The following AKAP13 variants were observed in gnomAD, a reference collection of about 807,000 sequenced individuals.
AKAP13 encodes the protein A-kinase anchoring protein 13, also known as A-kinase anchor protein 13.
AKAP13 carries 80 observed loss-of-function variants against 264.5 expected under a neutral mutation model. The ratio of observed to expected loss-of-function variants is 0.30; its 90% CI spans 0.25 to 0.36. The LOEUF is 0.36. Ranked by LOEUF, AKAP13 falls within the 10% of genes least tolerant of loss-of-function variation. The pLI, the probability that AKAP13 is intolerant of heterozygous loss-of-function variation, is 1.00. For missense variants in AKAP13, 3,712 were observed against 3,435.2 expected, an observed-to-expected ratio of 1.08 and a Z score of -2.01; for synonymous variants, 1,380 against 1,250.2, an observed-to-expected ratio of 1.10 and a Z score of -2.19.
chr15:85,465,933 C>A (rs2074721087), intron 1 of AKAP13, among the ~76,000 whole-genome samples: 1 of 149,488 alleles, frequency 6.7e-6, no homozygotes. Flanking sequence ...GCCACACTGA[C>A]TTCCACAATG....
intron 1 of AKAP13, among the ~76,000 whole-genome samples, chr15:85,454,197 G>A (rs573945331): frequency 2.2e-4 from 33 of 152,282 alleles, no homozygotes; most frequent in African/African-American, 7.9e-4. Flanking sequence ...CTCCCACCCT[G>A]CTGGAGGTAC....
intron 1 of AKAP13, among the ~76,000 whole-genome samples, chr15:85,426,472 CTG>C (rs375566067): frequency 7.7e-4 from 116 of 151,486 alleles, no homozygotes; most frequent in African/African-American, 2.7e-3. Context: ...GTAGCACAGT[CTG>C]TGGATAAGTT....
chr15:85,595,852 A>G (rs898513079), intron 8 of AKAP13, among the ~76,000 whole-genome samples: 4 of 152,262 alleles, frequency 2.6e-5, no homozygotes, highest in Non-Finnish European at 4.4e-5. Context: ...AGGACTGAAA[A>G]ACATAAAATT....
chr15:85,614,140 T>C (rs997593864), intron 8 of AKAP13, among the ~76,000 whole-genome samples: 3 of 152,192 alleles, frequency 2.0e-5, no homozygotes, highest in African/African-American at 7.2e-5. Context: ...GGATTTTGTT[T>C]GGGGCATCCA....
chr15:85,681,275 C>T (rs909829773), intron 14 of AKAP13, among the ~76,000 whole-genome samples: 1 of 152,056 alleles, frequency 6.6e-6, no homozygotes, highest in Admixed American at 6.5e-5. Context: ...CCTTTGTTTC[C>T]CTGGAATATA....
chr15:85,399,527 A>AAT lies in AKAP13; in HGVS notation c.-12+18730_-12+18731insTA, dbSNP rs2071311030. 9.2e-4 allele frequency among the ~76,000 whole-genome samples: 105 copies of AAT among 114,718 alleles called. 1 individual carries two copies. Among genetic ancestry groups the AAT allele is most frequent in the East Asian group, 5.1e-3 (22 of 4,342 alleles). 75.3% of individuals were successfully genotyped at this position (114,718 alleles called of 152,430 possible). A position where few individuals can be genotyped will look rare whatever the true frequency, so the allele number is the denominator to read the frequency against. Reference sequence around the variant, plus strand: ...CAAAAAAAAAAAAAAAAAAAATAAAAAAATAAAAAAATAAATAAATAAATA... The same window carrying AAT: ...CAAAAAAAAAAAAAAAAAAAATAAAAATAAATAAAAAAATAAATAAATAAATA... On this transcript the variant is annotated intron_variant, in intron 1 of 36. Coordinates refer to ENST00000394518, the MANE Select transcript of AKAP13 (RefSeq NM_007200.5).
At chr15:85,669,052 A>G (rs2083763126) in intron 13 of AKAP13, among the ~76,000 whole-genome samples, 1 of 151,528 alleles carries the variant, frequency 6.6e-6, no homozygotes, top group Non-Finnish European at 1.5e-5. Context: ...CCTGACCAAC[A>G]TGGTGATACC....
chr15:85,564,662 ACTACATTGGGTT>A (rs1050186807), intron 5 of AKAP13, among the ~76,000 whole-genome samples: 9 of 152,334 alleles, frequency 5.9e-5, no homozygotes, highest in African/African-American at 2.2e-4. Flanking sequence ...CATTACTGCC[ACTACATTGGGTT>A]GTATTAGAAT....
At chr15:85,710,416 A>C in intron 18 of AKAP13, 163 bp from the exon 19 acceptor site, 1 of 578,290 alleles carries the variant, frequency 1.7e-6, no homozygotes, top group Non-Finnish European at 3.1e-6. Context: ...TGGCAGGCTT[A>C]GAGGATGGCA....
intron 7 of AKAP13, among the ~76,000 whole-genome samples, chr15:85,583,535 C>T (rs76015738): frequency 6.6e-6 from 1 of 152,158 alleles, no homozygotes; most frequent in African/African-American, 2.4e-5. Context: ...GCCACAACAA[C>T]AAGTCTATTT....
At chr15:85,454,251 C>A (rs1195784120) in intron 1 of AKAP13, among the ~76,000 whole-genome samples, 1 of 152,176 alleles carries the variant, frequency 6.6e-6, no homozygotes, top group African/African-American at 2.4e-5. Context: ...GCTCCAGGGT[C>A]TTCACGCATG....
intron 1 of AKAP13, among the ~76,000 whole-genome samples, chr15:85,475,200 A>G (rs1353143127): frequency 6.6e-6 from 1 of 152,226 alleles, no homozygotes; most frequent in Non-Finnish European, 1.5e-5. Flanking sequence ...GTTAATTTAC[A>G]TAAAACCCAG....
At chr15:85,440,677 C>T (rs1409966031) in intron 1 of AKAP13, among the ~76,000 whole-genome samples, 2 of 152,120 alleles carry the variant, frequency 1.3e-5, no homozygotes. Context: ...GTCAACAGGG[C>T]GTTGCATCAA....
chr15:85,437,502 G>A (rs2073367927), intron 1 of AKAP13, among the ~76,000 whole-genome samples: 1 of 151,080 alleles, frequency 6.6e-6, no homozygotes, highest in African/African-American at 2.4e-5. Context: ...CCAAAGCCGG[G>A]CAGAGACACA....
intron 1 of AKAP13, among the ~76,000 whole-genome samples, chr15:85,385,507 G>C (rs1428836824): frequency 6.6e-6 from 1 of 152,106 alleles, no homozygotes; most frequent in African/African-American, 2.4e-5. Context: ...TCATCCTCCA[G>C]AATTCTTCTG....
chr15:85,633,613 G>A (rs1418169341), intron 8 of AKAP13, among the ~76,000 whole-genome samples: 2 of 140,988 alleles, frequency 1.4e-5, no homozygotes, highest in African/African-American at 2.6e-5. Flanking sequence ...GCACAATCTC[G>A]GCTTACTGCA....
At position 85,659,505 on chromosome 15, in the gene AKAP13, T is replaced by C. The variant is rs1555456437; in HGVS notation, c.4799+915T>C. Among the ~76,000 whole-genome samples, 3 of 98,572 alleles carry C rather than the reference T, an allele frequency of 3.0e-5. No homozygotes were observed. The Admixed American group carries it at 3.3e-4, about 11-fold the overall frequency. The allele number at this position is 98,572 out of a possible 152,430, so 64.7% of individuals were successfully genotyped here. On this transcript the variant is annotated intron_variant, in intron 12 of 36. Coordinates refer to ENST00000394518, the MANE Select transcript of AKAP13 (RefSeq NM_007200.5). ...GCTGAAATTCAGATATTCTCATGAATTTCAGATAATCATGATTCCTATGAA... is the reference window on the plus strand; with the variant it reads ...GCTGAAATTCAGATATTCTCATGAACTTCAGATAATCATGATTCCTATGAA...
chr15:85,619,145 T>C (rs2151417492), intron 8 of AKAP13, among the ~76,000 whole-genome samples: 1 of 151,988 alleles, frequency 6.6e-6, no homozygotes, highest in East Asian at 1.9e-4. Context: ...GCCTTTTTCA[T>C]AGGGGTGGGA....
At chr15:85,601,648 G>GTGTGTT (rs1228684653) in intron 8 of AKAP13, among the ~76,000 whole-genome samples, 8 of 147,768 alleles carry the variant, frequency 5.4e-5, no homozygotes, top group African/African-American at 2.0e-4. Flanking sequence ...GTGTGTGTGT[G>GTGTGTT]TTTTTCTTCC....
Sources: gnomAD v4.1 joint callset for allele counts (sites outside exome capture counted in the v4.1 genomes callset) on GRCh38, gnomAD v4.1.1 for gene constraint, MANE v1.5 for transcripts, NCBI Gene and HGNC (gene_info 2026-07-23, HGNC 2026-07-21) for gene names.